COL4A6: variants seen among roughly 807,000 people sequenced by gnomAD.
The protein encoded by COL4A6 is collagen alpha-6(IV) chain.
Under a neutral mutation model 126.7 loss-of-function variants are expected in COL4A6, and 59 were observed. That is an observed-to-expected ratio of 0.47 (90% confidence interval 0.38 to 0.58). COL4A6 has a LOEUF of 0.58. Among genes scored for constraint, COL4A6 ranks in the 20% least tolerant of loss-of-function variants. The pLI is 0.00. For missense variants in COL4A6, 1,285 were observed against 1,337.3 expected, an observed-to-expected ratio of 0.96 and a Z score of 0.61; for synonymous variants, 547 against 496.6, an observed-to-expected ratio of 1.10 and a Z score of -1.35.
chrX:108,367,052 AAGTGTTAGAAATCTAGCAGGTTCTCAACC>A (rs1174537019), intron 2 of COL4A6, among the ~76,000 whole-genome samples: 1 of 112,325 alleles, frequency 8.9e-6, no homozygotes, highest in Non-Finnish European at 1.9e-5. Context: ...ATCATGAAAC[AAGTGTTAGAAATCTAGCAGGTTCTCAACC>A]AGTGTTTCAA....
chrX:108,202,687 G>GTCTGTTTT (rs767117688), intron 13 of COL4A6, among the ~76,000 whole-genome samples: 15 of 111,884 alleles, frequency 1.3e-4, no homozygotes, highest in African/African-American at 4.9e-4. Context: ...TCAAGCCTAG[G>GTCTGTTTT]TCTGTTTTAA....
chrX:108,229,245 C>G (rs1249101516), intron 3 of COL4A6, among the ~76,000 whole-genome samples: 2 of 111,967 alleles, frequency 1.8e-5, no homozygotes, highest in Admixed American at 9.5e-5. Context: ...GCTAAGTGTA[C>G]AGGGTTCAGA....
At position 108,163,950 on chromosome X, in the gene COL4A6, A is replaced by G. The variant is rs1270295782; in HGVS notation, c.4069+650T>C. ...AGGCCAGTATGGCAGGAGCACAGTG[A>G]GCAGCAAAGGGGAAGGGCTGGCCAT... On this transcript the variant is annotated intron_variant, in intron 40 of 44. Coordinates refer to ENST00000334504, the MANE Select transcript of COL4A6 (RefSeq NM_033641.4). 5.3e-4 allele frequency among the ~76,000 whole-genome samples: 59 copies of G among 112,348 alleles called. No individual in the cohort carries two copies. The Admixed American group carries it at 5.6e-3, about 11-fold the overall frequency.
At chrX:108,298,549 C>T (rs1005971369) in intron 3 of COL4A6, among the ~76,000 whole-genome samples, 5 of 111,441 alleles carry the variant, frequency 4.5e-5, no homozygotes, top group African/African-American at 6.5e-5. Flanking sequence ...TGTGTGGGAA[C>T]GGGTGCTGTT....
At chrX:108,207,455 C>T (rs974026805) in intron 8 of COL4A6, among the ~76,000 whole-genome samples, 1 of 110,882 alleles carries the variant, frequency 9.0e-6, no homozygotes, top group Non-Finnish European at 1.9e-5. Flanking sequence ...TGTAACAAAC[C>T]TACACGTCCT....
intron 3 of COL4A6, among the ~76,000 whole-genome samples, chrX:108,221,695 C>G (rs924959048): frequency 8.9e-6 from 1 of 112,824 alleles, no homozygotes; most frequent in African/African-American, 3.2e-5. Context: ...GGCCATCCAT[C>G]AGATTGTCAA....
intron 2 of COL4A6, among the ~76,000 whole-genome samples, chrX:108,326,569 CAATCA>C (rs2039161818): frequency 1.8e-5 from 2 of 111,832 alleles, no homozygotes; most frequent in South Asian, 7.5e-4. Context: ...GAAGCTACAG[CAATCA>C]AGAGAGTGTA....
intron 2 of COL4A6, among the ~76,000 whole-genome samples, chrX:108,336,787 C>T (rs2039441339): frequency 1.8e-5 from 2 of 111,166 alleles, no homozygotes; most frequent in South Asian, 7.6e-4. Flanking sequence ...AATTAGATTG[C>T]ACTGTTGCAA....
intron 2 of COL4A6, among the ~76,000 whole-genome samples, chrX:108,406,822 T>G (rs1454080821): frequency 9.0e-6 from 1 of 111,446 alleles, no homozygotes; most frequent in Non-Finnish European, 1.9e-5. Flanking sequence ...ATATTTCAAT[T>G]AGACTGCCAT....
At chrX:108,178,377 C>T (rs1413454552) in intron 27 of COL4A6, among the ~76,000 whole-genome samples, 3 of 112,072 alleles carry the variant, frequency 2.7e-5, no homozygotes, top group African/African-American at 9.7e-5. Context: ...ACTCCCTCAA[C>T]GATGAGGGTG....
intron 2 of COL4A6, among the ~76,000 whole-genome samples, chrX:108,353,302 C>T (rs2039885290): frequency 8.9e-6 from 1 of 112,345 alleles, no homozygotes; most frequent in Non-Finnish European, 1.9e-5. Context: ...TCATGGAATA[C>T]AATGAGAAAA....
chrX:108,236,401 G>C (rs2036430874), intron 3 of COL4A6, among the ~76,000 whole-genome samples: 1 of 111,278 alleles, frequency 9.0e-6, no homozygotes, highest in African/African-American at 3.3e-5. Context: ...TCTCCCAAAG[G>C]CAAAGCTAAA....
intron 5 of COL4A6, among the ~76,000 whole-genome samples, chrX:108,218,232 C>G (rs772926446): frequency 8.9e-6 from 1 of 112,207 alleles, no homozygotes; most frequent in African/African-American, 3.3e-5. Context: ...AAAGCCAGGT[C>G]CACAGGATGA....
intron 2 of COL4A6, among the ~76,000 whole-genome samples, chrX:108,367,355 A>T (rs908144957): frequency 1.8e-5 from 2 of 111,787 alleles, no homozygotes; most frequent in Non-Finnish European, 3.8e-5. Flanking sequence ...GTAGGTGCTC[A>T]GTAAATGGTG....
chrX:108,372,425 T>C (rs760255546), intron 2 of COL4A6, among the ~76,000 whole-genome samples: 1 of 112,108 alleles, frequency 8.9e-6, no homozygotes, highest in East Asian at 2.8e-4. Context: ...GTGAAAACTC[T>C]ACATTCACAA....
At chrX:108,164,511 G>T in intron 40 of COL4A6, 89 bp downstream of exon 40, 2 of 845,924 alleles carry the variant, frequency 2.4e-6, no homozygotes, top group Non-Finnish European at 3.5e-6. Flanking sequence ...AGACTTTCTT[G>T]GCGTGGTGAG....
rs1056530544 is a variant in COL4A6 at position 108,202,924 on chromosome X, T to A, written c.834+4A>T. Reference sequence around the variant, plus strand: ...ATACATATTGATCAAATAGAGAGACTTACCGGGAAGCCTGGAGGGCCACTT... The same window carrying A: ...ATACATATTGATCAAATAGAGAGACATACCGGGAAGCCTGGAGGGCCACTT... On this transcript the variant is annotated splice_donor_region_variant and intron_variant, in intron 13 of 44. Transcript: ENST00000334504. 11 of 1,205,736 alleles carry A rather than the reference T, an allele frequency of 9.1e-6. No homozygotes were observed. The highest frequency in any genetic ancestry group is 1.2e-5 in the Non-Finnish European group (11 of 891,484).
intron 3 of COL4A6, among the ~76,000 whole-genome samples, chrX:108,283,182 A>G (rs1429758857): frequency 9.0e-6 from 1 of 111,430 alleles, no homozygotes; most frequent in African/African-American, 3.3e-5. Context: ...AAAAAAAAGA[A>G]AGGTATAGAG....
Position 108,305,746 on chromosome X carries a change from G to GCATGACTC in COL4A6, c.144+4994_144+5001dup, listed in dbSNP as rs765189131. Among the ~76,000 whole-genome samples the GCATGACTC allele has an allele frequency of 3.1e-3, 348 of 112,057 alleles. 4 individuals are homozygous for GCATGACTC. Among genetic ancestry groups the GCATGACTC allele is most frequent in the African/African-American group, 0.011 (343 of 30,816 alleles). ...AGTAGGGAAAGGAAAGAGAAGACAA[G>GCATGACTC]CATGACTCCCAGTTTTCTGGCTTGA... On this transcript the variant is annotated intron_variant, in intron 3 of 44. Transcript: ENST00000334504.
Sources: gnomAD v4.1 joint callset for allele counts (sites outside exome capture counted in the v4.1 genomes callset) on GRCh38, gnomAD v4.1.1 for gene constraint, MANE v1.5 for transcripts, NCBI Gene and HGNC (gene_info 2026-07-23, HGNC 2026-07-21) for gene names.